RBPJL: variants seen among roughly 807,000 people sequenced by gnomAD.
The protein encoded by RBPJL is recombination signal binding protein for immunoglobulin kappa J region like.
Under a neutral mutation model 57.6 loss-of-function variants are expected in RBPJL, and 50 were observed. The ratio of observed to expected loss-of-function variants is 0.87; its 90% CI spans 0.69 to 1.10. RBPJL has a LOEUF of 1.10. Among genes scored for constraint, RBPJL ranks in the 50% least tolerant of loss-of-function variants. The pLI is 0.00. For synonymous variants in RBPJL, 303 were observed against 294.4 expected, an observed-to-expected ratio of 1.03 and a Z score of -0.30; for missense variants, 684 against 693.7, an observed-to-expected ratio of 0.99 and a Z score of 0.16.
At position 45,316,861 on chromosome 20, in the gene RBPJL, C is replaced by A. The variant is rs771193654; in HGVS notation, c.1456C>A (p.Pro486Thr). 3 of 1,613,778 alleles carry A rather than the reference C, an allele frequency of 1.9e-6. No homozygotes were observed. Among genetic ancestry groups the A allele is most frequent in the Non-Finnish European group, 2.5e-6 (3 of 1,179,844 alleles). ...GGAATACAGCGTGCGGCCGGGTCAC[C>A]CCGGCGTCCCCGAGCCCGCCACCGA... The part of the protein sequence containing the change: ...TPEYSVRPGH[P>T]GVPEPATDAD... The change falls in exon 12 of 12, where the codon CCC becomes ACC. Residue 486 changes from proline (P) to threonine (T), a missense_variant. By Grantham distance (38) the Pro-to-Thr change is conservative. Transcript: ENST00000343694.
In RBPJL at chr20:45,316,691, C is replaced by G; in HGVS notation, c.1286C>G (p.Pro429Arg). 6.3e-7 allele frequency: 1 copy of G among 1,599,008 alleles called. No individual in the cohort carries two copies. Among genetic ancestry groups the G allele is most frequent in the Non-Finnish European group, 8.5e-7 (1 of 1,172,350 alleles). Residue 429 changes from proline to arginine, a missense_variant, in exon 12 of 12, where the codon CCG (proline) becomes CGG (arginine). Physicochemically the swap from Pro to Arg is moderately radical, Grantham distance 103. Coordinates refer to ENST00000343694, the MANE Select transcript of RBPJL (RefSeq NM_014276.4). ...DVEAETMYRS[P>R]RSLVCVVPDV... ...CCCTGGTGCTCCACCCCCAGGAGCC[C>G]GCGGTCCCTGGTGTGCGTGGTGCCG...
intron 6 of RBPJL, 58 bp downstream of exon 6, chr20:45,312,453 AC>A: frequency 6.4e-7 from 1 of 1,551,904 alleles, no homozygotes; most frequent in East Asian, 2.3e-5. Context: ...CAAGCCCAGA[AC>A]GGCTAAACTG....
Position 45,317,048 on chromosome 20 carries a change from C to T in RBPJL, c.*89C>T. The T allele has an allele frequency of 6.8e-7, 1 of 1,469,382 alleles. No homozygotes were observed. The highest frequency in any genetic ancestry group is 9.1e-7 in the Non-Finnish European group (1 of 1,095,642). The allele number at this position is 1,469,382 out of a possible 1,614,324, so 91.0% of individuals were successfully genotyped here. A position where few individuals can be genotyped will look rare whatever the true frequency, so the allele number is the denominator to read the frequency against. On this transcript the variant is annotated 3_prime_UTR_variant, in exon 12 of 12. Transcript: ENST00000343694. ...GTTTCTGGGTTCTAGGCCCTGCTTC[C>T]TTGCCCCTTTGCTGCAGAAGGGCAG...
At position 45,317,080 on chromosome 20, in the gene RBPJL, G is replaced by C; in HGVS notation, c.*121G>C. 1 of 1,273,236 alleles carries C rather than the reference G, an allele frequency of 7.9e-7. No homozygotes were observed. Among genetic ancestry groups the C allele is most frequent in the Non-Finnish European group, 1.1e-6 (1 of 927,730 alleles). 78.9% of individuals were successfully genotyped at this position (1,273,236 alleles called of 1,614,324 possible). Reference sequence around the variant, plus strand: ...CTTTGCTGCAGAAGGGCAGCTGAAGGCTCACCCTAGAAACCGGGCCTGGTG... The same window carrying C: ...CTTTGCTGCAGAAGGGCAGCTGAAGCCTCACCCTAGAAACCGGGCCTGGTG... On this transcript the variant is annotated 3_prime_UTR_variant, in exon 12 of 12. Transcript: ENST00000343694.
chr20:45,311,883 G>C lies in RBPJL; in HGVS notation c.373G>C (p.Gly125Arg), dbSNP rs1410959667. 1 of 1,551,716 alleles carries C rather than the reference G, an allele frequency of 6.4e-7. No individual in the cohort carries two copies. Among genetic ancestry groups the C allele is most frequent in the Non-Finnish European group, 8.7e-7 (1 of 1,147,072 alleles). Reference protein sequence around the residue: ...ETGPTVCGYMGLDSASGSATE... With the variant: ...ETGPTVCGYMRLDSASGSATE... ...GGGGCCCACGGTCTGCGGTTACATG[G>C]GACTGGACAGCGCGTCCGGCAGCGC... The change falls in exon 5 of 12, where the codon GGA (glycine) becomes CGA (arginine). Residue 125 changes from glycine to arginine, a missense_variant. Transcript: ENST00000343694.
rs1986740786 is a variant in RBPJL at position 45,306,930 on chromosome 20, C to T, written c.8C>T (p.Pro3Leu). The T allele has an allele frequency of 1.0e-5, 13 of 1,256,620 alleles. No individual in the cohort carries two copies. The highest frequency in any genetic ancestry group is 1.3e-5 in the Non-Finnish European group (13 of 992,778). The allele number at this position is 1,256,620 out of a possible 1,614,324, so 77.8% of individuals were successfully genotyped here. A position where few individuals can be genotyped will look rare whatever the true frequency, so the allele number is the denominator to read the frequency against. MD[P>L]AGAADPSVPP... is the part of the protein sequence containing the mutation. ...GGGCCCCGTGGAGCCACCATGGACC[C>T]CGCAGGGGCAGCAGGTGAGCGCTTA... The change falls in exon 1 of 12, where the codon CCC becomes CTC. Residue 3 changes from proline (P) to leucine (L), a missense_variant. Transcript: ENST00000343694.
chr20:45,317,244 C>T lies in RBPJL; in HGVS notation c.*285C>T. 2 of 518,406 alleles carry T rather than the reference C, an allele frequency of 3.9e-6. No individual in the cohort carries two copies. 32.1% of individuals were successfully genotyped at this position (518,406 alleles called of 1,614,324 possible). On this transcript the variant is annotated 3_prime_UTR_variant, in exon 12 of 12. Coordinates refer to ENST00000343694, the MANE Select transcript of RBPJL (RefSeq NM_014276.4). ...ACTCTGTCTCTAAACCTCTCTCTCT[C>T]TCCCTTCCCCCTCAGTACTTAGTCT...
Position 45,313,560 on chromosome 20 carries a change from T to G in RBPJL, c.712T>G (p.Phe238Val), listed in dbSNP as rs1265045560. ...CTACCTCTCTGTGGAGGATGGGGCC[T>G]TTGTGGCCAGTGCACGACAGTGGGC... ...TRYLSVEDGA[F>V]VASARQWAAF... is the part of the protein sequence containing the mutation. Residue 238 changes from phenylalanine to valine, a missense_variant, in exon 7 of 12, where the codon TTT (phenylalanine) becomes GTT (valine). Transcript: ENST00000343694. 6.2e-7 allele frequency: 1 copy of G among 1,613,934 alleles called. No homozygotes were observed.
In RBPJL at chr20:45,313,597, TC is replaced by T. The variant is rs1987307574; in HGVS notation, c.751del (p.His251ThrfsTer39). ...GCACGACAGTGGGCTGCCTTCACGC[TC>T]CACCTGGGTAATGACATCTGCAGGC... Reference protein sequence around the residue: ...ASARQWAAFTLHLADGHSAQG... With the variant: ...ASARQWAAFTXHLADGHSAQG... On this transcript the variant is annotated frameshift_variant, in exon 7 of 12. Coordinates refer to ENST00000343694, the MANE Select transcript of RBPJL (RefSeq NM_014276.4). LOFTEE classifies it high-confidence loss of function. 1 of 1,607,516 alleles carries T rather than the reference TC, an allele frequency of 6.2e-7. No individual in the cohort carries two copies. Among genetic ancestry groups the T allele is most frequent in the African/African-American group, 1.3e-5 (1 of 74,762 alleles).
At position 45,316,860 on chromosome 20, in the gene RBPJL, C is replaced by G; in HGVS notation, c.1455C>G (p.His485Gln). The G allele has an allele frequency of 1.2e-6, 2 of 1,613,896 alleles. No individual in the cohort carries two copies. Among genetic ancestry groups the G allele is most frequent in the Non-Finnish European group, 1.7e-6 (2 of 1,179,842 alleles). Residue 485 changes from histidine to glutamine, a missense_variant, in exon 12 of 12, where the codon CAC (histidine) becomes CAG (glutamine). Transcript: ENST00000343694. ...YTPEYSVRPG[H>Q]PGVPEPATDA... is the part of the protein sequence containing the mutation. ...CGGAATACAGCGTGCGGCCGGGTCA[C>G]CCCGGCGTCCCCGAGCCCGCCACCG... is the stretch of plus-strand genomic sequence containing the variant.
At chr20:45,308,641 C>T (rs970848126) in intron 2 of RBPJL, 12 of 223,852 alleles carry the variant, frequency 5.4e-5, no homozygotes, top group Non-Finnish European at 9.1e-5. Context: ...TTCGAGGGTG[C>T]GGTCTTGCGC....
chr20:45,308,512 G>A, intron 2 of RBPJL: 1 of 509,706 alleles, frequency 2.0e-6, no homozygotes, highest in Non-Finnish European at 3.6e-6. Flanking sequence ...AGACTGGGGA[G>A]ACCGGGGCAG....
At chr20:45,315,079 A>C (rs1294382474) in intron 9 of RBPJL, among the ~76,000 whole-genome samples, 1 of 152,062 alleles carries the variant, frequency 6.6e-6, no homozygotes, top group Non-Finnish European at 1.5e-5. Flanking sequence ...GCAAGACTCC[A>C]TCTCAAAAAA....
chr20:45,314,086 G>A lies in RBPJL; in HGVS notation c.809G>A (p.Arg270His), dbSNP rs189044569. 19 of 1,614,222 alleles carry A rather than the reference G, an allele frequency of 1.2e-5. No homozygotes were observed. Among genetic ancestry groups the A allele is most frequent in the South Asian group, 4.4e-5 (4 of 91,084 alleles). ...TTCCCACCGCGAGAGGGCTACGTTC[G>A]CTATGGCTCCCTGGTGCAGCTCGTC... ...GDFPPREGYVRYGSLVQLVCT... is the reference protein window; with the variant it reads ...GDFPPREGYVHYGSLVQLVCT... The change falls in exon 8 of 12, where the codon CGC (arginine) becomes CAC (histidine). Residue 270 changes from arginine (R) to histidine (H), a missense_variant. By Grantham distance (29) the Arg-to-His change is conservative. Transcript: ENST00000343694.
At chr20:45,313,701 A>T in intron 7 of RBPJL, 96 bp downstream of exon 7, 2 of 1,308,386 alleles carry the variant, frequency 1.5e-6, no homozygotes, top group Admixed American at 5.4e-5. Flanking sequence ...ACTCTGCCCC[A>T]TGTGATTAAG....
In RBPJL at chr20:45,312,388, C is replaced by T. The variant is rs1600716730; in HGVS notation, c.612C>T (p.Asn204=). ...CGCAGAAGAAGCAGTCGCTGAAAAA[C>T]ACCGATCGTGAGCAGGGCGGGGCCT... is the stretch of plus-strand genomic sequence containing the variant. ...KPSQKKQSLK[N]TDLCISSGSK... Residue 204 remains asparagine, a synonymous_variant, in exon 6 of 12, where the codon AAC becomes AAT. Coordinates refer to ENST00000343694, the MANE Select transcript of RBPJL (RefSeq NM_014276.4). 5 of 1,613,486 alleles carry T rather than the reference C, an allele frequency of 3.1e-6. No homozygotes were observed. The highest frequency in any genetic ancestry group is 2.2e-5 in the East Asian group (1 of 44,858).
At position 45,312,373 on chromosome 20, in the gene RBPJL, G is replaced by A; in HGVS notation, c.597G>A (p.Lys199=). 1 of 1,614,068 alleles carries A rather than the reference G, an allele frequency of 6.2e-7. No homozygotes were observed. Among genetic ancestry groups the A allele is most frequent in the South Asian group, 1.1e-5 (1 of 91,070 alleles). ...TCATCTCGAAGCCCTCGCAGAAGAA[G>A]CAGTCGCTGAAAAACACCGATCGTG... The part of the protein sequence containing the change: ...IKVISKPSQK[K]QSLKNTDLCI... Residue 199 remains lysine, a synonymous_variant, in exon 6 of 12, where the codon AAG becomes AAA. Coordinates refer to ENST00000343694, the MANE Select transcript of RBPJL (RefSeq NM_014276.4).
At chr20:45,306,997 GACC>G (rs1986753749) in intron 1 of RBPJL, 53 bp downstream of exon 1, 2 of 1,127,892 alleles carry the variant, frequency 1.8e-6, no homozygotes, top group Non-Finnish European at 1.1e-6. Context: ...AACTACGAAG[GACC>G]ACCCCCCCAC....
chr20:45,313,897 G>C (rs988432183), intron 7 of RBPJL, 138 bp from the exon 8 acceptor site: 37 of 730,570 alleles, frequency 5.1e-5, no homozygotes, highest in Non-Finnish European at 8.4e-5. Context: ...AGAACCTTCA[G>C]TTGGCTCCCC....
Sources: gnomAD v4.1 joint callset for allele counts (sites outside exome capture counted in the v4.1 genomes callset) on GRCh38, gnomAD v4.1.1 for gene constraint, MANE v1.5 for transcripts, NCBI Gene and HGNC (gene_info 2026-07-23, HGNC 2026-07-21) for gene names.